The following HELZ variants were observed in gnomAD, a reference collection of about 807,000 sequenced individuals.
The protein encoded by HELZ is helicase with zinc finger.
In HELZ, 23 loss-of-function variants were observed where a neutral mutation model predicts 218.2. The ratio of observed to expected loss-of-function variants is 0.11; its 90% CI spans 0.08 to 0.15. The LOEUF (loss-of-function observed/expected upper bound fraction) is 0.15, where lower values mean the gene tolerates loss of function less well. Ranked by LOEUF, HELZ falls within the 10% of genes least tolerant of loss-of-function variation. The probability of loss-of-function intolerance (pLI) is 1.00; values close to 1 mark genes in which losing one functional copy is unlikely to be tolerated. For missense variants in HELZ, 1,813 were observed against 2,353.7 expected (o/e 0.77, Z 4.75); for synonymous variants, 814 against 829.4 (o/e 0.98, Z 0.32).
intron 8 of HELZ, among the ~76,000 whole-genome samples, chr17:67,195,086 A>C (rs535961182): frequency 6.6e-6 from 1 of 152,324 alleles, no homozygotes; most frequent in South Asian, 2.1e-4. Flanking sequence ...CCAAAAAGTA[A>C]TAACTGTACT....
Position 67,109,233 on chromosome 17 carries a change from G to A in HELZ, c.4372C>T (p.Leu1458=). The A allele has an allele frequency of 6.2e-7, 1 of 1,614,152 alleles. No individual in the cohort carries two copies. The highest frequency in any genetic ancestry group is 8.5e-7 in the Non-Finnish European group (1 of 1,180,026). Residue 1458 remains leucine (L), a synonymous_variant, in exon 29 of 33, where the codon CTG becomes TTG. Coordinates refer to ENST00000358691, the MANE Select transcript of HELZ (RefSeq NM_014877.4). ...VIPEQQPPPM[L]QEGHSPLRAI... The stretch of plus-strand genomic sequence containing the variant: ...CTCAGAGGACTGTGGCCTTCTTGCA[G>A]CATGGGAGGGGGCTGCTGCTCCGGA...
At chr17:67,119,993 CTTT>C (rs56893875) in intron 27 of HELZ, 719 of 160,412 alleles carry the variant, frequency 4.5e-3, no homozygotes, top group Non-Finnish European at 5.4e-3. Flanking sequence ...TCTCCCTTTT[CTTT>C]TTTTTTTTTT....
chr17:67,190,084 A>T (rs1396070238), intron 10 of HELZ, 73 bp downstream of exon 10: 1 of 1,259,484 alleles, frequency 7.9e-7, no homozygotes, highest in Non-Finnish European at 1.1e-6. Context: ...ACCAAAATAG[A>T]GCACACAATA....
chr17:67,213,379 T>A (rs528930395), intron 5 of HELZ, among the ~76,000 whole-genome samples: 1 of 152,238 alleles, frequency 6.6e-6, no homozygotes, highest in East Asian at 1.9e-4. Flanking sequence ...ATCCCGGCAC[T>A]TTGGGACGCC....
At chr17:67,206,332 C>T (rs2040295841) in intron 5 of HELZ, among the ~76,000 whole-genome samples, 1 of 152,164 alleles carries the variant, frequency 6.6e-6, no homozygotes, top group African/African-American at 2.4e-5. Flanking sequence ...TTTTCTAACA[C>T]TTGAAATATG....
intron 15 of HELZ, 91 bp downstream of exon 15, chr17:67,166,387 T>C (rs1436616124): frequency 8.6e-7 from 1 of 1,158,592 alleles, no homozygotes; most frequent in African/African-American, 1.5e-5. Flanking sequence ...AAAGGCAAAC[T>C]TTCTTATAAA....
chr17:67,078,377 C>A lies in HELZ; in HGVS notation c.5704G>T (p.Ala1902Ser). The A allele has an allele frequency of 1.9e-6, 3 of 1,610,498 alleles. No individual in the cohort carries two copies. Among genetic ancestry groups the A allele is most frequent in the Non-Finnish European group, 2.5e-6 (3 of 1,178,918 alleles). ...GGAGGGGGCCTGGGCTTTGGAGGGG[C>A]CCGCAGAGCGCTGGCATAGGACATG... is the stretch of plus-strand genomic sequence containing the variant. ...PAMSYASALR[A>S]PPKPRPPPEQ... The change falls in exon 33 of 33, where the codon GCC becomes TCC. Residue 1902 changes from alanine (A) to serine (S), a missense_variant. Physicochemically the swap from Ala to Ser is moderately conservative, Grantham distance 99 (BLOSUM62 1). Coordinates refer to ENST00000358691, the MANE Select transcript of HELZ (RefSeq NM_014877.4).
chr17:67,146,693 A>C (rs2038508854), intron 20 of HELZ, among the ~76,000 whole-genome samples: 1 of 152,272 alleles, frequency 6.6e-6, no homozygotes, highest in Non-Finnish European at 1.5e-5. Flanking sequence ...CAGTGACTGT[A>C]GCAAATGACT....
chr17:67,197,744 A>G (rs754870587), intron 7 of HELZ, among the ~76,000 whole-genome samples: 1 of 152,202 alleles, frequency 6.6e-6, no homozygotes, highest in Non-Finnish European at 1.5e-5. Flanking sequence ...TACTATCACT[A>G]TAATTTATAT....
chr17:67,162,310 T>TA (rs1164995770), intron 15 of HELZ, among the ~76,000 whole-genome samples: 1 of 152,144 alleles, frequency 6.6e-6, no homozygotes, highest in East Asian at 1.9e-4. Flanking sequence ...AAATTCTCCT[T>TA]AAAAAATGTA....
chr17:67,116,168 A>G (rs2143796103), intron 27 of HELZ, among the ~76,000 whole-genome samples: 1 of 152,184 alleles, frequency 6.6e-6, no homozygotes, highest in South Asian at 2.1e-4. Context: ...AATAAAACAA[A>G]GAGTTGTCAC....
chr17:67,109,917 T>C (rs1346694271), intron 28 of HELZ, among the ~76,000 whole-genome samples: 1 of 152,222 alleles, frequency 6.6e-6, no homozygotes, highest in Non-Finnish European at 1.5e-5. Context: ...TAAGAAAAGA[T>C]ACTGCCATTT....
chr17:67,141,335 G>T (rs963768890), intron 21 of HELZ, among the ~76,000 whole-genome samples: 7 of 151,748 alleles, frequency 4.6e-5, no homozygotes, highest in African/African-American at 1.7e-4. Context: ...GACACCAGAT[G>T]GTAATTCAAA....
At chr17:67,119,993 C>CTTTTCTTTTTT (rs2037551032) in intron 27 of HELZ, 3 of 139,246 alleles carry the variant, frequency 2.2e-5, no homozygotes, top group African/African-American at 2.1e-4. Flanking sequence ...TCTCCCTTTT[C>CTTTTCTTTTTT]TTTTTTTTTT....
chr17:67,071,249 G>T lies in HELZ; in HGVS notation c.*7003C>A, dbSNP rs372261400. On this transcript the variant is annotated 3_prime_UTR_variant, in exon 33 of 33. Coordinates refer to ENST00000358691, the MANE Select transcript of HELZ (RefSeq NM_014877.4). The stretch of plus-strand genomic sequence containing the variant: ...AAATCCAGGACCCTTCCTCTGTAAA[G>T]GGGGAGGCTGAGAAACATTCTCAGC... 3 of 152,598 alleles carry T rather than the reference G, an allele frequency of 2.0e-5. No individual in the cohort carries two copies. In the East Asian group the frequency reaches 5.8e-4, roughly 29 times the overall value. The allele number at this position is 152,598 out of a possible 1,614,324, so 9.5% of individuals were successfully genotyped here.
chr17:67,157,735 T>A (rs1338762013), intron 17 of HELZ, among the ~76,000 whole-genome samples: 1 of 152,202 alleles, frequency 6.6e-6, no homozygotes, highest in Admixed American at 6.5e-5. Context: ...AGTAAATTTA[T>A]ATGCAACAAA....
intron 17 of HELZ, among the ~76,000 whole-genome samples, chr17:67,159,394 T>G (rs2038933671): frequency 1.3e-5 from 2 of 152,166 alleles, no homozygotes; most frequent in Admixed American, 1.3e-4. Context: ...TTGGTTATGA[T>G]TACTGAAGAA....
At chr17:67,146,598 T>C (rs565777818) in intron 20 of HELZ, among the ~76,000 whole-genome samples, 85 of 152,292 alleles carry the variant, frequency 5.6e-4, no homozygotes, top group African/African-American at 2.0e-3. Context: ...GCTGGAACAA[T>C]GTACACAACT....
At chr17:67,106,409 G>A (rs1199092523) in intron 31 of HELZ, among the ~76,000 whole-genome samples, 1 of 151,386 alleles carries the variant, frequency 6.6e-6, no homozygotes, top group Admixed American at 6.6e-5. Context: ...CCGGGTTCAC[G>A]CCATTCTCCT....
Sources: allele counts gnomAD v4.1 joint callset (sites outside exome capture counted in the v4.1 genomes callset), GRCh38; gene constraint gnomAD v4.1.1; transcripts MANE v1.5; gene names NCBI Gene and HGNC (gene_info 2026-07-23, HGNC 2026-07-21).